Variants in CIDEC observed in about 807,000 individuals in gnomAD.
CIDEC encodes lipid transferase CIDEC.
A neutral mutation model predicts 21.9 loss-of-function variants in CIDEC; 11 were observed. The ratio of observed to expected loss-of-function variants is 0.50; its 90% confidence interval spans 0.32 to 0.83. The LOEUF is 0.83. Ranked by LOEUF, CIDEC falls within the 40% of genes least tolerant of loss-of-function variation. CIDEC has a pLI of 0.04. For missense variants in CIDEC, 302 were observed against 302.3 expected (o/e 1.00, Z 0.01); for synonymous variants, 127 against 124.9 (o/e 1.02, Z -0.11).
intron 6 of CIDEC, 24 bp downstream of exon 6, chr3:9,869,858 C>T (rs368614139): frequency 6.8e-5 from 109 of 1,609,730 alleles, no homozygotes; most frequent in Middle Eastern, 2.2e-4. Flanking sequence ...CCACCCTGTC[C>T]CCAGGAAATC....
At chr3:9,873,547 T>C (rs392810) in intron 4 of CIDEC, among the ~76,000 whole-genome samples, 119,814 of 152,020 alleles carry the variant, frequency 0.79, 47,283 homozygotes, top group Middle Eastern at 0.83. Context: ...ACCTGGGAGG[T>C]GGAGCTTGCA....
chr3:9,872,660 T>C (rs1164846751), intron 4 of CIDEC, among the ~76,000 whole-genome samples: 1 of 151,948 alleles, frequency 6.6e-6, no homozygotes, highest in Admixed American at 6.6e-5. Flanking sequence ...TTGTGGGCTG[T>C]GTTTTTTACT....
At chr3:9,872,739 G>A (rs1293016276) in intron 4 of CIDEC, among the ~76,000 whole-genome samples, 2 of 152,086 alleles carry the variant, frequency 1.3e-5, no homozygotes, top group Admixed American at 1.3e-4. Flanking sequence ...TGTAATCCTA[G>A]CACTTTAGGA....
chr3:9,880,017 C>G (rs539263298), intron 1 of CIDEC, among the ~76,000 whole-genome samples: 1 of 152,026 alleles, frequency 6.6e-6, no homozygotes, highest in Admixed American at 6.6e-5. Context: ...CAGACCAGGC[C>G]CCACAGAGGC....
At chr3:9,872,181 C>T (rs866970361) in intron 4 of CIDEC, among the ~76,000 whole-genome samples, 1 of 144,638 alleles carries the variant, frequency 6.9e-6, no homozygotes, top group Non-Finnish European at 1.5e-5. Flanking sequence ...GATGCTGAGC[C>T]TTTTTTTTTT....
In CIDEC at chr3:9,870,034, A is replaced by G. The variant is rs1447968026; in HGVS notation, c.402T>C (p.Pro134=). The part of the protein sequence containing the change: ...TRHPLSLSHK[P]AKKIDVARVT... ...CACGGGCCACATCAATCTTCTTGGC[A>G]GGCTTATGGGAGAGGGACAGTGGGT... is the stretch of plus-strand genomic sequence containing the variant. Residue 134 remains proline (P), a synonymous_variant, in exon 6 of 7, where the codon CCT becomes CCC. Coordinates refer to ENST00000336832, the MANE Select transcript of CIDEC (RefSeq NM_001321142.2). 12 of 1,614,094 alleles carry G rather than the reference A, an allele frequency of 7.4e-6. No homozygotes were observed. The Admixed American group carries it at 2.0e-4, about 27-fold the overall frequency.
At position 9,878,461 on chromosome 3, in the gene CIDEC, C is replaced by T; in HGVS notation, c.26G>A (p.Ser9Asn). 1 of 1,614,004 alleles carries T rather than the reference C, an allele frequency of 6.2e-7. No homozygotes were observed. The highest frequency in any genetic ancestry group is 8.5e-7 in the Non-Finnish European group (1 of 1,179,896). Residue 9 changes from serine (S) to asparagine (N), a missense_variant, in exon 3 of 7, where the codon AGC becomes AAC. Ser to Asn is a conservative substitution (Grantham distance 46). Transcript: ENST00000336832. ...GGAGAGGGACTTGGGGTAGAGAAGG[C>T]TAAGGGACTTCATGGCGTATTCCAT... MEYAMKSL[S>N]LLYPKSLSRH...
intron 6 of CIDEC, 28 bp downstream of exon 6, chr3:9,869,854 T>G (rs745548430): frequency 1.1e-5 from 17 of 1,608,636 alleles, no homozygotes; most frequent in Non-Finnish European, 1.4e-5. Flanking sequence ...GTACCCACCC[T>G]GTCCCCAGGA....
intron 4 of CIDEC, among the ~76,000 whole-genome samples, chr3:9,871,942 T>C (rs569059700): frequency 9.9e-5 from 15 of 151,938 alleles, no homozygotes; most frequent in African/African-American, 2.4e-4. Flanking sequence ...AAAATCTTTT[T>C]TTCGTTTGTT....
Position 9,867,128 on chromosome 3 carries a change from G to A in CIDEC, c.*6C>T, listed in dbSNP as rs772636586. On this transcript the variant is annotated 3_prime_UTR_variant, in exon 7 of 7. Transcript: ENST00000336832. ...CACTGGGGAAAGCTTCCAAGGACTT[G>A]GGCTTTCACTGCAGTATCTTCAGAC... 1.8e-5 allele frequency: 29 copies of A among 1,612,946 alleles called. No individual in the cohort carries two copies. The highest frequency in any genetic ancestry group is 2.4e-5 in the Non-Finnish European group (28 of 1,179,960).
Position 9,870,082 on chromosome 3 carries a change from A to G in CIDEC, c.367-13T>C, listed in dbSNP as rs2082326377. ...GGTGCCTTGTCCCCTGCATTGAGACAAGCAAATGGTTAGCACCCCTTGAAG... is the reference window on the plus strand; with the variant it reads ...GGTGCCTTGTCCCCTGCATTGAGACGAGCAAATGGTTAGCACCCCTTGAAG... On this transcript the variant is annotated splice_polypyrimidine_tract_variant and intron_variant, in intron 5 of 6. Coordinates refer to ENST00000336832, the MANE Select transcript of CIDEC (RefSeq NM_001321142.2). 1 of 1,614,120 alleles carries G rather than the reference A, an allele frequency of 6.2e-7. No individual in the cohort carries two copies. The highest frequency in any genetic ancestry group is 1.7e-5 in the Admixed American group (1 of 60,010).
intron 3 of CIDEC, 68 bp from the exon 4 acceptor site, chr3:9,877,287 C>A: frequency 7.1e-7 from 1 of 1,400,128 alleles, no homozygotes; most frequent in Non-Finnish European, 9.9e-7. Flanking sequence ...CACAGGGGAG[C>A]CACCTCCCCA....
At chr3:9,867,844 C>A (rs1225374104) in intron 6 of CIDEC, among the ~76,000 whole-genome samples, 2 of 151,910 alleles carry the variant, frequency 1.3e-5, no homozygotes, top group African/African-American at 4.8e-5. Flanking sequence ...GCACGAAAAT[C>A]ACTTGAACCT....
rs534057043 is a variant in CIDEC, at chr3:9,866,789, G to A, written c.*345C>T. ...TTGCGAATTCACTCAGGAATGTTCCGGGATGGGGGCCAGAAGGTAGAGAGC... is the reference window on the plus strand; with the variant it reads ...TTGCGAATTCACTCAGGAATGTTCCAGGATGGGGGCCAGAAGGTAGAGAGC... On this transcript the variant is annotated 3_prime_UTR_variant, in exon 7 of 7. Coordinates refer to ENST00000336832, the MANE Select transcript of CIDEC (RefSeq NM_001321142.2). The A allele has an allele frequency of 1.1e-4, 59 of 559,682 alleles. No individual in the cohort carries two copies. Among genetic ancestry groups the A allele is most frequent in the Non-Finnish European group, 1.5e-4 (47 of 311,986 alleles). 34.7% of individuals were successfully genotyped at this position (559,682 alleles called of 1,614,324 possible).
intron 4 of CIDEC, among the ~76,000 whole-genome samples, chr3:9,871,027 G>A (rs1476199492): frequency 2.0e-5 from 3 of 151,662 alleles, no homozygotes; most frequent in South Asian, 2.1e-4. Flanking sequence ...GTGGATGAAC[G>A]CTTGGATTGT....
Position 9,870,041 on chromosome 3 carries a change from T to A in CIDEC, c.395A>T (p.His132Leu). Residue 132 changes from histidine (H) to leucine (L), a missense_variant, in exon 6 of 7, where the codon CAT becomes CTT. Transcript: ENST00000336832. The stretch of plus-strand genomic sequence containing the variant: ...CACATCAATCTTCTTGGCAGGCTTA[T>A]GGGAGAGGGACAGTGGGTGCCTTGT... ...QGTRHPLSLSHKPAKKIDVAR... is the reference protein window; with the variant it reads ...QGTRHPLSLSLKPAKKIDVAR... 3 of 1,614,224 alleles carry A rather than the reference T, an allele frequency of 1.9e-6. No homozygotes were observed. Among genetic ancestry groups the A allele is most frequent in the Admixed American group, 1.7e-5 (1 of 60,020 alleles).
chr3:9,878,631 C>T, intron 2 of CIDEC, 120 bp from the exon 3 acceptor site: 1 of 1,242,256 alleles, frequency 8.0e-7, no homozygotes, highest in Non-Finnish European at 1.1e-6. Flanking sequence ...TCTTCTATCC[C>T]AACTCACACA....
At chr3:9,879,340 G>T (rs2082474332) in intron 1 of CIDEC, among the ~76,000 whole-genome samples, 2 of 151,772 alleles carry the variant, frequency 1.3e-5, no homozygotes, top group Admixed American at 1.3e-4. Context: ...GTTTCGTTTT[G>T]TTTGGATTTT....
At chr3:9,878,394 T>C (rs2082456997) in intron 3 of CIDEC, 40 bp downstream of exon 3, 3 of 1,453,220 alleles carry the variant, frequency 2.1e-6, no homozygotes, top group Non-Finnish European at 1.9e-6. Flanking sequence ...TTACAGCTCA[T>C]AGGTGGCTCT....
Sources: allele counts gnomAD v4.1 joint callset (sites outside exome capture counted in the v4.1 genomes callset), GRCh38; gene constraint gnomAD v4.1.1; transcripts MANE v1.5; gene names NCBI Gene and HGNC (gene_info 2026-07-23, HGNC 2026-07-21).